The following ESR2 variants were observed in gnomAD, a reference collection of about 807,000 sequenced individuals.
ESR2 encodes the protein estrogen receptor beta.
Under a neutral mutation model 49.6 loss-of-function variants are expected in ESR2, and 36 were observed. The observed-to-expected ratio is 0.73, with a 90% CI of 0.56 to 0.96. The LOEUF (loss-of-function observed/expected upper bound fraction) is 0.96, where lower values mean the gene tolerates loss of function less well. Ranked by LOEUF, ESR2 falls within the 40% of genes least tolerant of loss-of-function variation. The pLI is 0.00. For synonymous variants in ESR2, 320 were observed against 266.1 expected (o/e 1.20, Z -1.97); for missense variants, 714 against 693.0 (o/e 1.03, Z -0.34).
intron 6 of ESR2, among the ~76,000 whole-genome samples, chr14:64,253,596 G>GTA (rs2076035047): frequency 1.5e-5 from 2 of 137,278 alleles, no homozygotes; most frequent in Admixed American, 7.2e-5. Flanking sequence ...GTGTGTGTGT[G>GTA]TGTGTGTGTA....
chr14:64,307,039 T>A (rs1191117363), intron 1 of ESR2, among the ~76,000 whole-genome samples: 1 of 152,144 alleles, frequency 6.6e-6, no homozygotes, highest in Non-Finnish European at 1.5e-5. Context: ...ATTTTATATA[T>A]GTTGAATTTT....
At chr14:64,243,356 T>C (rs758845356) in intron 7 of ESR2, among the ~76,000 whole-genome samples, 11 of 152,158 alleles carry the variant, frequency 7.2e-5, no homozygotes, top group Non-Finnish European at 1.2e-4. Context: ...AATGAAAAAG[T>C]TAGAAATATT....
intron 6 of ESR2, 37 bp downstream of exon 6, chr14:64,257,185 TCAAA>T (rs2076118083): frequency 1.9e-6 from 3 of 1,600,046 alleles, no homozygotes; most frequent in Non-Finnish European, 1.7e-6. Flanking sequence ...AGCACCTTAC[TCAAA>T]CAAGTCAGAG....
intron 1 of ESR2, among the ~76,000 whole-genome samples, chr14:64,310,099 C>T (rs2077167321): frequency 6.6e-6 from 1 of 150,470 alleles, no homozygotes; most frequent in Admixed American, 6.6e-5. Context: ...AAAAAGAAAG[C>T]TCGTCTCTAC....
chr14:64,233,075 C>A lies in ESR2; in HGVS notation c.*62G>T. The A allele has an allele frequency of 6.4e-7, 1 of 1,568,336 alleles. No homozygotes were observed. The highest frequency in any genetic ancestry group is 8.7e-7 in the Non-Finnish European group (1 of 1,152,946). On this transcript the variant is annotated 3_prime_UTR_variant, in exon 9 of 9. Transcript: ENST00000341099. ...AGAAAGATGAAGCCCAGGCTCCTGA[C>A]ACACTGGAGTTCACGCTTCAGCCTG...
At chr14:64,248,872 C>T (rs1030817000) in intron 7 of ESR2, among the ~76,000 whole-genome samples, 5 of 151,872 alleles carry the variant, frequency 3.3e-5, no homozygotes, top group African/African-American at 1.2e-4. Flanking sequence ...CTTTCTATAT[C>T]GCATATCTGT....
intron 1 of ESR2, chr14:64,336,128 G>A (rs924485291): frequency 6.6e-6 from 1 of 151,974 alleles, no homozygotes; most frequent in African/African-American, 2.4e-5. Context: ...TGGGATTACA[G>A]GCATAAGCCA....
intron 4 of ESR2, among the ~76,000 whole-genome samples, chr14:64,264,242 A>T (rs2076277998): frequency 6.6e-6 from 1 of 152,344 alleles, no homozygotes; most frequent in Admixed American, 6.5e-5. Context: ...AGAAAATGTG[A>T]GCAAATTTAA....
chr14:64,228,055 TAAATCAATC>T (rs2098723595), downstream of ESR2: 1 of 1,401,764 alleles, frequency 7.1e-7, no homozygotes, highest in Non-Finnish European at 9.2e-7. Flanking sequence ...CCTGTGGTCA[TAAATCAATC>T]ACAAGTGTGA....
Position 64,282,116 on chromosome 14 carries a change from G to T in ESR2, c.362+508C>A, listed in dbSNP as rs559018201. ...CCCAGCACTTTGGGAGGCCAAGGCAGGTGGATCATTTGAGGTCAGGAGTTC... is the reference window on the plus strand; with the variant it reads ...CCCAGCACTTTGGGAGGCCAAGGCATGTGGATCATTTGAGGTCAGGAGTTC... On this transcript the variant is annotated intron_variant, in intron 2 of 8. Transcript: ENST00000341099. Among the ~76,000 whole-genome samples, 149 of 152,340 alleles carry T rather than the reference G, an allele frequency of 9.8e-4. 1 individual carries two copies. The highest frequency in any genetic ancestry group is 3.4e-3 in the African/African-American group (142 of 41,568).
intron 7 of ESR2, among the ~76,000 whole-genome samples, chr14:64,240,442 G>T (rs536340406): frequency 2.0e-5 from 3 of 152,290 alleles, no homozygotes; most frequent in African/African-American, 4.8e-5. Context: ...CTGTGATTTG[G>T]TTCCCCGCTT....
At chr14:64,307,859 T>A (rs1287410964) in intron 1 of ESR2, among the ~76,000 whole-genome samples, 2 of 152,072 alleles carry the variant, frequency 1.3e-5, no homozygotes, top group Non-Finnish European at 2.9e-5. Flanking sequence ...TTTATTGATC[T>A]TCTCAAAGAA....
At chr14:64,252,651 G>A (rs993184912) in intron 6 of ESR2, among the ~76,000 whole-genome samples, 30 of 152,130 alleles carry the variant, frequency 2.0e-4, no homozygotes, top group African/African-American at 7.2e-4. Context: ...GCGAGTGACT[G>A]AGCAAGACAG....
chr14:64,283,493 T>A (rs1310465003), intron 1 of ESR2, among the ~76,000 whole-genome samples: 1 of 152,164 alleles, frequency 6.6e-6, no homozygotes, highest in African/African-American at 2.4e-5. Flanking sequence ...GCGTAGTGGC[T>A]CACGCCTGTA....
At chr14:64,248,240 A>G (rs1465217714) in intron 7 of ESR2, among the ~76,000 whole-genome samples, 2 of 151,918 alleles carry the variant, frequency 1.3e-5, no homozygotes, top group Non-Finnish European at 2.9e-5. Context: ...ACAGTGGCTC[A>G]CGCTTGTAAA....
chr14:64,311,924 T>C (rs759971713), intron 1 of ESR2, among the ~76,000 whole-genome samples: 55 of 152,170 alleles, frequency 3.6e-4, no homozygotes, highest in Non-Finnish European at 5.4e-4. Flanking sequence ...AGACAGAAAA[T>C]ATAATGAGCA....
chr14:64,316,702 T>G (rs1332216646), intron 1 of ESR2, among the ~76,000 whole-genome samples: 1 of 151,710 alleles, frequency 6.6e-6, no homozygotes, highest in Non-Finnish European at 1.5e-5. Flanking sequence ...CCAGCTACTT[T>G]GTAGGCTGAG....
intron 1 of ESR2, among the ~76,000 whole-genome samples, chr14:64,308,760 T>A (rs2077145067): frequency 8.3e-6 from 1 of 119,912 alleles, no homozygotes; most frequent in Admixed American, 7.9e-5. Flanking sequence ...AAAAGGTCAT[T>A]TATCTTTTGA....
At chr14:64,243,022 CACAGT>C (rs1486199004) in intron 7 of ESR2, among the ~76,000 whole-genome samples, 2 of 152,176 alleles carry the variant, frequency 1.3e-5, no homozygotes, top group Admixed American at 1.3e-4. Context: ...ATGAGAACAG[CACAGT>C]AAAGACCTGC....
Sources: gnomAD v4.1 joint callset for allele counts (sites outside exome capture counted in the v4.1 genomes callset) on GRCh38, gnomAD v4.1.1 for gene constraint, MANE v1.5 for transcripts, NCBI Gene and HGNC (gene_info 2026-07-23, HGNC 2026-07-21) for gene names.